ULK4: variants seen among roughly 807,000 people sequenced by gnomAD.
ULK4 encodes the protein inactive serine/threonine-protein kinase ULK4.
Under a neutral mutation model 160.6 loss-of-function variants are expected in ULK4, and 133 were observed. The ratio of observed to expected loss-of-function variants is 0.83; its 90% CI spans 0.72 to 0.96. The LOEUF is 0.96. Ranked by LOEUF, ULK4 falls within the 40% of genes least tolerant of loss-of-function variation. The pLI is 0.00. For synonymous variants in ULK4, 534 were observed against 539.8 expected, an observed-to-expected ratio of 0.99 and a Z score of 0.15; for missense variants, 1,580 against 1,499.5, an observed-to-expected ratio of 1.05 and a Z score of -0.89.
At chr3:41,646,334 T>C (rs1354725992) in intron 30 of ULK4, among the ~76,000 whole-genome samples, 7 of 152,350 alleles carry the variant, frequency 4.6e-5, no homozygotes, top group Non-Finnish European at 7.3e-5. Flanking sequence ...CTGGTACTGG[T>C]TGTTCCTTTC....
intron 30 of ULK4, among the ~76,000 whole-genome samples, chr3:41,643,907 C>A (rs1481692144): frequency 1.3e-5 from 2 of 152,060 alleles, no homozygotes; most frequent in Admixed American, 1.3e-4. Context: ...AGGTCCTTCA[C>A]ATCCCTTGTA....
chr3:41,401,648 C>T (rs986732252), intron 34 of ULK4, among the ~76,000 whole-genome samples: 22 of 152,144 alleles, frequency 1.4e-4, no homozygotes, highest in African/African-American at 5.1e-4. Context: ...CAGTCTTCTG[C>T]GTAGGTTCCT....
At chr3:41,878,888 C>T (rs1697409132) in intron 17 of ULK4, among the ~76,000 whole-genome samples, 2 of 146,592 alleles carry the variant, frequency 1.4e-5, no homozygotes, top group South Asian at 4.5e-4. Context: ...TGACAAATTC[C>T]TATTTCCCCA....
chr3:41,561,840 T>A (rs2087584777), intron 32 of ULK4, among the ~76,000 whole-genome samples: 1 of 152,078 alleles, frequency 6.6e-6, no homozygotes, highest in Admixed American at 6.6e-5. Flanking sequence ...TTTTGAAGGG[T>A]TTTTTGCGTC....
intron 35 of ULK4, among the ~76,000 whole-genome samples, chr3:41,396,006 TATTA>T (rs1419244396): frequency 4.6e-5 from 7 of 152,170 alleles, no homozygotes; most frequent in African/African-American, 7.2e-5. Context: ...GTTGGGGTCT[TATTA>T]ATTAATCTGT....
At chr3:41,856,629 A>G (rs180868872) in intron 17 of ULK4, among the ~76,000 whole-genome samples, 93 of 131,440 alleles carry the variant, frequency 7.1e-4, no homozygotes, top group East Asian at 1.9e-3. Flanking sequence ...ATATATATAT[A>G]TGTATATATA....
chr3:41,638,320 C>T lies in ULK4; in HGVS notation c.3072-22603G>A, dbSNP rs114778512. ...TTTTCCCTTTGGGCCTACTCTCTGT[C>T]GGAATTTCAAGATATCTAATAAAAC... On this transcript the variant is annotated intron_variant, in intron 30 of 36. Coordinates refer to ENST00000301831, the MANE Select transcript of ULK4 (RefSeq NM_017886.4). 9.2e-3 allele frequency among the ~76,000 whole-genome samples: 1,406 copies of T among 152,088 alleles called. 21 individuals carry two copies. The highest frequency in any genetic ancestry group is 0.031 in the African/African-American group (1,295 of 41,476).
intron 1 of ULK4, 147 bp from the exon 2 acceptor site, chr3:41,954,954 A>C: frequency 1.8e-6 from 1 of 566,008 alleles, no homozygotes; most frequent in Non-Finnish European, 3.0e-6. Flanking sequence ...TTAAATACTA[A>C]TGCTGATATT....
At chr3:41,613,582 A>G (rs2032813929) in intron 31 of ULK4, among the ~76,000 whole-genome samples, 1 of 152,210 alleles carries the variant, frequency 6.6e-6, no homozygotes. Context: ...GGTGACAACA[A>G]TTTTAAAAGG....
intron 31 of ULK4, among the ~76,000 whole-genome samples, chr3:41,578,837 G>A (rs2029941023): frequency 6.6e-6 from 1 of 152,200 alleles, no homozygotes; most frequent in Admixed American, 6.5e-5. Flanking sequence ...GATCAAGGGA[G>A]AAAGTGACCA....
chr3:41,926,554 G>A (rs1490083825), intron 5 of ULK4, among the ~76,000 whole-genome samples: 8 of 152,164 alleles, frequency 5.3e-5, no homozygotes, highest in Non-Finnish European at 1.0e-4. Flanking sequence ...CCTCCTCCGA[G>A]CTAAAGAAGC....
At chr3:41,953,304 A>ATATATAT (rs1181182812) in intron 2 of ULK4, among the ~76,000 whole-genome samples, 10 of 124,812 alleles carry the variant, frequency 8.0e-5, no homozygotes, top group African/African-American at 2.5e-4. Flanking sequence ...ATATATATAT[A>ATATATAT]TTTTTTTTTT....
intron 33 of ULK4, among the ~76,000 whole-genome samples, chr3:41,456,102 G>A (rs2083545869): frequency 6.6e-6 from 1 of 152,152 alleles, no homozygotes; most frequent in South Asian, 2.1e-4. Context: ...TAGAGACGGG[G>A]TTTTGCCATG....
intron 2 of ULK4, among the ~76,000 whole-genome samples, chr3:41,945,605 T>G (rs76564866): frequency 0.02 from 3,017 of 152,298 alleles, 63 homozygotes; most frequent in East Asian, 0.027. Context: ...AATGTCTATA[T>G]GCTGATGACA....
chr3:41,857,905 A>G (rs577957771), intron 17 of ULK4, among the ~76,000 whole-genome samples: 52 of 152,070 alleles, frequency 3.4e-4, no homozygotes, highest in Non-Finnish European at 6.5e-4. Flanking sequence ...TGGAAAAACT[A>G]CTTTTTGTTT....
intron 32 of ULK4, among the ~76,000 whole-genome samples, chr3:41,506,767 A>AAAAAAAAAAAAAAAAAAAATAAATATAT: frequency 3.5e-5 from 2 of 56,766 alleles, no homozygotes; most frequent in Non-Finnish European, 6.3e-5. Context: ...TGTGATTTAA[A>AAAAAAAAAAAAAAAAAAAATAAATATAT]ATATATATAT....
intron 22 of ULK4, among the ~76,000 whole-genome samples, chr3:41,746,902 GAT>G (rs1380106057): frequency 6.6e-6 from 1 of 151,920 alleles, no homozygotes; most frequent in Non-Finnish European, 1.5e-5. Flanking sequence ...ATGCAGGAAA[GAT>G]AGACTTTTCA....
chr3:41,560,160 A>G (rs150023032), intron 32 of ULK4, among the ~76,000 whole-genome samples: 9 of 152,316 alleles, frequency 5.9e-5, no homozygotes, highest in African/African-American at 2.2e-4. Context: ...TTTGTCAAAG[A>G]TCAGATGGTT....
intron 32 of ULK4, among the ~76,000 whole-genome samples, chr3:41,534,974 T>C (rs1445226430): frequency 1.3e-5 from 2 of 152,222 alleles, no homozygotes; most frequent in East Asian, 1.9e-4. Context: ...TATGTGTGTA[T>C]ATACATATAC....
Sources: gnomAD v4.1 joint callset for allele counts (sites outside exome capture counted in the v4.1 genomes callset) on GRCh38, gnomAD v4.1.1 for gene constraint, MANE v1.5 for transcripts, NCBI Gene and HGNC (gene_info 2026-07-23, HGNC 2026-07-21) for gene names.